DGKI: variants seen among roughly 807,000 people sequenced by gnomAD.
The protein encoded by DGKI is DAG kinase iota.
In DGKI, 55 loss-of-function variants were observed where a neutral mutation model predicts 147.5. The ratio of observed to expected loss-of-function variants is 0.37; its 90% CI spans 0.30 to 0.47. DGKI has a LOEUF of 0.47. Among genes scored for constraint, DGKI ranks in the 20% least tolerant of loss-of-function variants. The probability of loss-of-function intolerance (pLI) is 1.00; values close to 1 mark genes in which losing one functional copy is unlikely to be tolerated. For synonymous variants in DGKI, 469 were observed against 477.1 expected (o/e 0.98, Z 0.22); for missense variants, 1,007 against 1,323.8 (o/e 0.76, Z 3.71).
intron 3 of DGKI, among the ~76,000 whole-genome samples, chr7:137,660,323 C>T (rs1822379453): frequency 6.6e-6 from 1 of 152,188 alleles, no homozygotes. Context: ...ACATGACCAA[C>T]ATTTACTTAA....
At chr7:137,522,121 T>C (rs1314705063) in intron 20 of DGKI, among the ~76,000 whole-genome samples, 155 bp from the exon 21 acceptor site, 1 of 152,050 alleles carries the variant, frequency 6.6e-6, no homozygotes, top group African/African-American at 2.4e-5. Flanking sequence ...AATTGAACAG[T>C]GATCTGGAGA....
At chr7:137,751,339 T>G (rs980772067) in intron 1 of DGKI, among the ~76,000 whole-genome samples, 1 of 152,248 alleles carries the variant, frequency 6.6e-6, no homozygotes, top group Non-Finnish European at 1.5e-5. Flanking sequence ...TCTGTTATGT[T>G]AGCAGATTCC....
intron 8 of DGKI, among the ~76,000 whole-genome samples, chr7:137,617,498 T>C (rs1046997514): frequency 2.0e-5 from 3 of 152,160 alleles, no homozygotes; most frequent in African/African-American, 7.2e-5. Context: ...ATTTTTTTAA[T>C]GCTATCTTTT....
intron 1 of DGKI, among the ~76,000 whole-genome samples, chr7:137,761,571 C>T (rs763838198): frequency 1.3e-5 from 2 of 152,228 alleles, no homozygotes; most frequent in African/African-American, 2.4e-5. Flanking sequence ...TCTTGATACT[C>T]TTCACCATGT....
At chr7:137,487,710 A>C in intron 21 of DGKI, 21 bp from the exon 22 acceptor site, 1 of 1,600,448 alleles carries the variant, frequency 6.2e-7, no homozygotes, top group Non-Finnish European at 8.5e-7. Context: ...AGGAAGAAGA[A>C]AAATCTAAAA....
intron 6 of DGKI, among the ~76,000 whole-genome samples, chr7:137,640,783 C>T (rs1165884135): frequency 6.6e-6 from 1 of 152,044 alleles, no homozygotes; most frequent in African/African-American, 2.4e-5. Context: ...ACATATTGTA[C>T]CCTAAGTTCA....
intron 32 of DGKI, among the ~76,000 whole-genome samples, chr7:137,393,993 A>G (rs1262721228): frequency 2.0e-5 from 3 of 152,192 alleles, no homozygotes; most frequent in Non-Finnish European, 4.4e-5. Flanking sequence ...TAAGTAATCT[A>G]TGTATGTGTC....
intron 27 of DGKI, among the ~76,000 whole-genome samples, chr7:137,463,231 TA>T (rs1348299343): frequency 2.6e-5 from 4 of 152,184 alleles, no homozygotes; most frequent in African/African-American, 9.7e-5. Flanking sequence ...TGGTGAGGTT[TA>T]AAGTATGTGG....
At chr7:137,496,828 C>G (rs1183856946) in intron 21 of DGKI, among the ~76,000 whole-genome samples, 1 of 152,046 alleles carries the variant, frequency 6.6e-6, no homozygotes, top group Non-Finnish European at 1.5e-5. Flanking sequence ...AATGTAAAAC[C>G]TAGACCTATA....
chr7:137,543,981 G>C (rs73730654), intron 20 of DGKI, among the ~76,000 whole-genome samples: 3,071 of 152,042 alleles, frequency 0.02, 88 homozygotes, highest in African/African-American at 0.071. Flanking sequence ...TTATCTATAG[G>C]TAGAAAATCT....
intron 1 of DGKI, among the ~76,000 whole-genome samples, chr7:137,785,351 A>T: frequency 6.6e-6 from 1 of 151,592 alleles, no homozygotes; most frequent in Non-Finnish European, 1.5e-5. Context: ...ACGTGCATAA[A>T]CCAGAAAACC....
At chr7:137,778,318 T>C (rs1016314836) in intron 1 of DGKI, among the ~76,000 whole-genome samples, 4 of 152,084 alleles carry the variant, frequency 2.6e-5, no homozygotes, top group Admixed American at 6.5e-5. Context: ...GCCAAATGGT[T>C]CAATAAAGCC....
intron 1 of DGKI, among the ~76,000 whole-genome samples, chr7:137,751,336 T>C (rs1795483375): frequency 6.6e-6 from 1 of 152,268 alleles, no homozygotes; most frequent in Admixed American, 6.5e-5. Context: ...ATCTCTGTTA[T>C]GTTAGCAGAT....
chr7:137,544,369 C>T (rs1277349044), intron 20 of DGKI, among the ~76,000 whole-genome samples: 1 of 152,070 alleles, frequency 6.6e-6, no homozygotes, highest in Non-Finnish European at 1.5e-5. Context: ...AATTTTACTC[C>T]AGCCACAACA....
intron 1 of DGKI, among the ~76,000 whole-genome samples, chr7:137,789,241 G>T (rs1219829921): frequency 2.0e-5 from 3 of 152,092 alleles, no homozygotes; most frequent in African/African-American, 7.2e-5. Flanking sequence ...TCTCATTTTA[G>T]TACCCTAAGC....
At chr7:137,804,736 T>C (rs116800931) in intron 1 of DGKI, among the ~76,000 whole-genome samples, 14 of 152,328 alleles carry the variant, frequency 9.2e-5, no homozygotes, top group African/African-American at 3.1e-4. Context: ...ATTAAAACCA[T>C]GATTCACGGC....
At chr7:137,429,847 C>T (rs1812988329) in intron 28 of DGKI, among the ~76,000 whole-genome samples, 3 of 124,296 alleles carry the variant, frequency 2.4e-5, no homozygotes, top group East Asian at 5.2e-4. Context: ...ATCAAAACCA[C>T]AATGAGATAC....
intron 19 of DGKI, 32 bp from the exon 20 acceptor site, chr7:137,552,600 A>G: frequency 6.2e-7 from 1 of 1,608,662 alleles, no homozygotes. Context: ...GGGAGCAAGG[A>G]GTTAGTTATT....
intron 6 of DGKI, among the ~76,000 whole-genome samples, chr7:137,643,082 G>A (rs1585320814): frequency 1.3e-5 from 2 of 151,700 alleles, no homozygotes; most frequent in Admixed American, 6.6e-5. Context: ...ACGAGGTCAG[G>A]AGATCGAGAC....
Sources: allele counts gnomAD v4.1 joint callset (sites outside exome capture counted in the v4.1 genomes callset), GRCh38; gene constraint gnomAD v4.1.1; transcripts MANE v1.5; gene names NCBI Gene and HGNC (gene_info 2026-07-23, HGNC 2026-07-21).